THADA: variants seen among roughly 807,000 people sequenced by gnomAD.
THADA encodes THADA armadillo repeat containing, also known as tRNA (32-2'-O)-methyltransferase regulator THADA.
Under a neutral mutation model 219.8 loss-of-function variants are expected in THADA, and 213 were observed. The ratio of observed to expected loss-of-function variants is 0.97; its 90% CI spans 0.87 to 1.09. The LOEUF is 1.09. Among genes scored for constraint, THADA ranks in the 50% least tolerant of loss-of-function variants. THADA has a pLI of 0.00. For synonymous variants in THADA, 1,018 were observed against 828.9 expected, an observed-to-expected ratio of 1.23 and a Z score of -3.92; for missense variants, 2,956 against 2,311.3, an observed-to-expected ratio of 1.28 and a Z score of -5.72.
chr2:43,234,607 A>G (rs1399372629), intron 36 of THADA, among the ~76,000 whole-genome samples: 10 of 152,190 alleles, frequency 6.6e-5, no homozygotes. Flanking sequence ...TTGGCTGAGA[A>G]TCTGTATAGA....
At chr2:43,366,402 A>G (rs540058191) in intron 29 of THADA, among the ~76,000 whole-genome samples, 11 of 152,350 alleles carry the variant, frequency 7.2e-5, no homozygotes. Flanking sequence ...GGAAGAGGTC[A>G]CAGATAAAGA....
Position 43,514,701 on chromosome 2 carries a change from AATATAT to A in THADA, c.3375-5927_3375-5922del, listed in dbSNP as rs538260074. Among the ~76,000 whole-genome samples, 10 of 80,398 alleles carry A rather than the reference AATATAT, an allele frequency of 1.2e-4. No homozygotes were observed. The East Asian group carries it at 2.7e-3, about 22-fold the overall frequency. The allele number at this position is 80,398 out of a possible 152,430, so 52.7% of individuals were successfully genotyped here. On this transcript the variant is annotated intron_variant, in intron 22 of 37. Transcript: ENST00000405975. Reference sequence around the variant, plus strand: ...ATATTATATTATATATAATATATATAATATATATATAAATATATATTATATATAATA... The same window carrying A: ...ATATTATATTATATATAATATATATAATATAAATATATATTATATATAATA...
At chr2:43,425,031 A>T (rs1678232905) in intron 28 of THADA, among the ~76,000 whole-genome samples, 2 of 152,134 alleles carry the variant, frequency 1.3e-5, no homozygotes, top group African/African-American at 2.4e-5. Context: ...TACATTTCAG[A>T]CCCTATAGGT....
intron 26 of THADA, among the ~76,000 whole-genome samples, chr2:43,438,162 C>T (rs1017795432): frequency 2.0e-5 from 3 of 151,804 alleles, no homozygotes; most frequent in Admixed American, 2.0e-4. Context: ...ATTAGCCGGG[C>T]AAGGTGGCGG....
chr2:43,519,132 G>A (rs1692103340), intron 22 of THADA, among the ~76,000 whole-genome samples: 1 of 151,980 alleles, frequency 6.6e-6, no homozygotes, highest in Non-Finnish European at 1.5e-5. Context: ...TTTAACGTCT[G>A]TCTTGTAAAT....
At chr2:43,468,732 C>T (rs1219887921) in intron 26 of THADA, among the ~76,000 whole-genome samples, 1 of 152,094 alleles carries the variant, frequency 6.6e-6, no homozygotes, top group African/African-American at 2.4e-5. Flanking sequence ...ACAATACCAC[C>T]GCAAGAAAGA....
chr2:43,428,255 G>T, intron 27 of THADA, 24 bp from the exon 28 acceptor site: 2 of 1,568,968 alleles, frequency 1.3e-6, no homozygotes, highest in Non-Finnish European at 1.7e-6. Flanking sequence ...TATTACACAT[G>T]AAAGATTTCA....
At chr2:43,272,634 T>C (rs1302319034) in intron 36 of THADA, among the ~76,000 whole-genome samples, 2 of 150,122 alleles carry the variant, frequency 1.3e-5, no homozygotes, top group African/African-American at 2.4e-5. Context: ...TTTTTTTTTT[T>C]TTTTTTTTGA....
At chr2:43,521,420 T>C (rs1692468136) in intron 22 of THADA, among the ~76,000 whole-genome samples, 1 of 152,038 alleles carries the variant, frequency 6.6e-6, no homozygotes, top group Non-Finnish European at 1.5e-5. Flanking sequence ...GCCTGGCATA[T>C]TGGTTTGCTC....
At chr2:43,494,950 G>A (rs1272232871) in intron 25 of THADA, among the ~76,000 whole-genome samples, 2 of 152,120 alleles carry the variant, frequency 1.3e-5, no homozygotes, top group Non-Finnish European at 2.9e-5. Flanking sequence ...TTAAAATTAA[G>A]TTCATTTTAC....
chr2:43,375,811 G>T (rs1223315947), intron 29 of THADA, among the ~76,000 whole-genome samples: 1 of 152,174 alleles, frequency 6.6e-6, no homozygotes, highest in Non-Finnish European at 1.5e-5. Flanking sequence ...CAGAACTGCT[G>T]ACAGTGTTAA....
At position 43,308,918 on chromosome 2, in the gene THADA, G is replaced by A. The variant is rs540202755; in HGVS notation, c.4438+11528C>T. On this transcript the variant is annotated intron_variant, in intron 31 of 37. Coordinates refer to ENST00000405975, the MANE Select transcript of THADA (RefSeq NM_022065.5). ...ATCTTTGTGACCTTGGAATAGGCAAGGATTTCTTCACTAGGGCATAAAAAG... is the reference window on the plus strand; with the variant it reads ...ATCTTTGTGACCTTGGAATAGGCAAAGATTTCTTCACTAGGGCATAAAAAG... 3.9e-5 allele frequency among the ~76,000 whole-genome samples: 6 copies of A among 152,140 alleles called. No individual in the cohort carries two copies. In the South Asian group the frequency reaches 1.2e-3, roughly 32 times the overall value.
intron 25 of THADA, among the ~76,000 whole-genome samples, chr2:43,487,128 T>A (rs776737058): frequency 6.6e-6 from 1 of 152,152 alleles, no homozygotes; most frequent in South Asian, 2.1e-4. Context: ...AACAAATCAA[T>A]CCATGCTGTT....
In THADA at chr2:43,231,286, T is replaced by G; in HGVS notation, c.5524A>C (p.Ile1842Leu). 6.3e-7 allele frequency: 1 copy of G among 1,595,538 alleles called. No homozygotes were observed. Among genetic ancestry groups the G allele is most frequent in the Non-Finnish European group, 8.5e-7 (1 of 1,173,408 alleles). The change falls in exon 38 of 38, where the codon ATC (isoleucine) becomes CTC (leucine). Residue 1842 changes from isoleucine to leucine, a missense_variant. By Grantham distance (5) the Ile-to-Leu change is conservative (BLOSUM62 2). Transcript: ENST00000405975. ...AEVNFWAETL[I>L]FVKYLCKHLF... ...TGCTTGCAGAGGTATTTCACAAAGATCAGGGTCTCGGCCCAAAAGTTGACT... is the reference window on the plus strand; with the variant it reads ...TGCTTGCAGAGGTATTTCACAAAGAGCAGGGTCTCGGCCCAAAAGTTGACT...
At chr2:43,416,888 C>T (rs904123781) in intron 28 of THADA, among the ~76,000 whole-genome samples, 2 of 152,166 alleles carry the variant, frequency 1.3e-5, no homozygotes, top group Admixed American at 1.3e-4. Flanking sequence ...TCTTAAGTAA[C>T]AAAACCTTCC....
At chr2:43,514,684 T>TTACATATAA (rs1691026429) in intron 22 of THADA, among the ~76,000 whole-genome samples, 1 of 84,156 alleles carries the variant, frequency 1.2e-5, no homozygotes, top group South Asian at 3.3e-4. Flanking sequence ...ATATATTATA[T>TTACATATAA]TATATATAAT....
At chr2:43,290,254 G>A (rs1340589467) in intron 34 of THADA, among the ~76,000 whole-genome samples, 2 of 151,654 alleles carry the variant, frequency 1.3e-5, no homozygotes, top group African/African-American at 2.4e-5. Flanking sequence ...TTACAGGTGT[G>A]AACCACCATG....
At chr2:43,386,481 G>T (rs576780344) in intron 29 of THADA, among the ~76,000 whole-genome samples, 1 of 151,996 alleles carries the variant, frequency 6.6e-6, no homozygotes, top group South Asian at 2.1e-4. Flanking sequence ...GCTTTTAAAG[G>T]TCTTATTTGT....
intron 29 of THADA, among the ~76,000 whole-genome samples, chr2:43,345,797 G>C (rs1320510379): frequency 6.6e-6 from 1 of 152,190 alleles, no homozygotes; most frequent in African/African-American, 2.4e-5. Context: ...CAAAATGCAT[G>C]ACTTCGGAAT....
Sources: gnomAD v4.1 joint callset for allele counts (sites outside exome capture counted in the v4.1 genomes callset) on GRCh38, gnomAD v4.1.1 for gene constraint, MANE v1.5 for transcripts, NCBI Gene and HGNC (gene_info 2026-07-23, HGNC 2026-07-21) for gene names.